The following DOCK2 variants were observed in gnomAD, a reference collection of about 807,000 sequenced individuals.
The protein encoded by DOCK2 is dedicator of cytokinesis 2.
DOCK2 carries 87 observed loss-of-function variants against 248.9 expected under a neutral mutation model. That is an observed-to-expected ratio of 0.35 (90% CI 0.29 to 0.42). The LOEUF (loss-of-function observed/expected upper bound fraction) is 0.42. DOCK2 is among the 10% of genes least tolerant of loss of function. DOCK2 has a pLI of 1.00. For missense variants in DOCK2, 1,747 were observed against 2,300.2 expected (o/e 0.76, Z 4.92); for synonymous variants, 805 against 821.6 (o/e 0.98, Z 0.35).
chr5:169,854,970 A>G (rs1261654535), intron 27 of DOCK2, among the ~76,000 whole-genome samples: 2 of 152,326 alleles, frequency 1.3e-5, no homozygotes, highest in South Asian at 2.1e-4. Context: ...AAAGTTATAG[A>G]GAGGAGGTGA....
intron 27 of DOCK2, among the ~76,000 whole-genome samples, chr5:169,893,477 C>CT (rs1773413988): frequency 3.4e-5 from 3 of 87,476 alleles, no homozygotes; most frequent in African/African-American, 1.7e-4. Context: ...CATTTTCTTA[C>CT]CCTTTTTTTT....
chr5:169,719,108 A>G (rs1005871903), intron 22 of DOCK2, among the ~76,000 whole-genome samples: 1 of 152,196 alleles, frequency 6.6e-6, no homozygotes. Flanking sequence ...TCTATATCCA[A>G]TGTTAGAGGG....
chr5:169,830,451 AG>A (rs1391035168), intron 26 of DOCK2, among the ~76,000 whole-genome samples: 1 of 152,250 alleles, frequency 6.6e-6, no homozygotes, highest in Non-Finnish European at 1.5e-5. Context: ...GCACATAGTA[AG>A]AATTCAACAA....
chr5:170,021,881 A>G (rs925021942), intron 33 of DOCK2, among the ~76,000 whole-genome samples: 1 of 152,080 alleles, frequency 6.6e-6, no homozygotes, highest in Non-Finnish European at 1.5e-5. Context: ...CCAGAACGAG[A>G]GTGAACCCCA....
intron 17 of DOCK2, 103 bp downstream of exon 17, chr5:169,712,326 C>A: frequency 1.0e-6 from 1 of 996,548 alleles, no homozygotes; most frequent in Non-Finnish European, 1.5e-6. Context: ...CAGAATCACA[C>A]ACACCAGAGT....
At chr5:169,877,688 T>C (rs1772409073) in intron 27 of DOCK2, among the ~76,000 whole-genome samples, 1 of 152,152 alleles carries the variant, frequency 6.6e-6, no homozygotes, top group Non-Finnish European at 1.5e-5. Flanking sequence ...GATATAGATA[T>C]CAGATAAAAG....
chr5:170,072,204 C>T (rs561738434), intron 46 of DOCK2, among the ~76,000 whole-genome samples: 4 of 152,248 alleles, frequency 2.6e-5, no homozygotes, highest in Admixed American at 2.0e-4. Context: ...TACTGCCAAT[C>T]TTCTATCACC....
intron 9 of DOCK2, among the ~76,000 whole-genome samples, chr5:169,694,868 A>G (rs1760522608): frequency 6.6e-6 from 1 of 151,978 alleles, no homozygotes; most frequent in Non-Finnish European, 1.5e-5. Flanking sequence ...CCAGCTACTC[A>G]AGAGGCTGAG....
chr5:169,699,699 C>G (rs529460523), intron 12 of DOCK2, among the ~76,000 whole-genome samples: 1 of 152,176 alleles, frequency 6.6e-6, no homozygotes, highest in African/African-American at 2.4e-5. Context: ...TCCGGTGTTC[C>G]GGGGGCACTT....
At chr5:169,657,522 G>T (rs1758190628) in intron 2 of DOCK2, among the ~76,000 whole-genome samples, 1 of 152,164 alleles carries the variant, frequency 6.6e-6, no homozygotes. Context: ...GGGTCCAAAT[G>T]AATCGATTTA....
intron 27 of DOCK2, among the ~76,000 whole-genome samples, chr5:169,873,396 A>C (rs1772110207): frequency 6.6e-6 from 1 of 152,212 alleles, no homozygotes; most frequent in African/African-American, 2.4e-5. Context: ...GAGATGCTCG[A>C]GGGCATTGCT....
chr5:169,832,672 T>G (rs1000486546), intron 26 of DOCK2, among the ~76,000 whole-genome samples: 4 of 152,220 alleles, frequency 2.6e-5, no homozygotes, highest in African/African-American at 9.6e-5. Context: ...GTGACTGTAC[T>G]GTAGATGATA....
intron 26 of DOCK2, among the ~76,000 whole-genome samples, chr5:169,808,433 AG>A (rs201084275): frequency 0.036 from 5,545 of 151,940 alleles, 182 homozygotes; most frequent in African/African-American, 0.084. Context: ...GGTAGGACTC[AG>A]GGGGAGATGT....
chr5:169,775,366 A>G (rs1765327033), intron 25 of DOCK2, among the ~76,000 whole-genome samples: 1 of 152,328 alleles, frequency 6.6e-6, no homozygotes, highest in African/African-American at 2.4e-5. Context: ...GGTAAACAGG[A>G]CAGCAGTGAG....
At chr5:170,045,572 T>C (rs972375546) in intron 38 of DOCK2, among the ~76,000 whole-genome samples, 13 of 152,092 alleles carry the variant, frequency 8.5e-5, no homozygotes, top group Non-Finnish European at 1.9e-4. Context: ...TCAGAGCACG[T>C]AAATAAAGGG....
At chr5:169,860,431 C>T (rs908094186) in intron 27 of DOCK2, among the ~76,000 whole-genome samples, 1 of 152,120 alleles carries the variant, frequency 6.6e-6, no homozygotes, top group Non-Finnish European at 1.5e-5. Flanking sequence ...GGCTGTCACT[C>T]AGTTCATTGT....
chr5:169,722,863 C>T lies in DOCK2; in HGVS notation c.2267+4072C>T, dbSNP rs188586979. ...CTCATACTATCCTAAACATTTCTTA[C>T]AGTTTATTTCTCTGGAGGCAGGGAT... is the stretch of plus-strand genomic sequence containing the variant. On this transcript the variant is annotated intron_variant, in intron 22 of 51. Coordinates refer to ENST00000520908, the MANE Select transcript of DOCK2 (RefSeq NM_004946.3). 1.7e-3 allele frequency among the ~76,000 whole-genome samples: 264 copies of T among 152,254 alleles called. 3 individuals carry two copies. The highest frequency in any genetic ancestry group is 1.4e-3 in the Non-Finnish European group (97 of 68,012).
chr5:169,829,036 C>G lies in DOCK2; in HGVS notation c.2704-11721C>G, dbSNP rs1021227591. Reference sequence around the variant, plus strand: ...GATTATAGTCCAGAATTTTAATGCTCTCATTCAGGGCTGATGATGATGCAG... The same window carrying G: ...GATTATAGTCCAGAATTTTAATGCTGTCATTCAGGGCTGATGATGATGCAG... On this transcript the variant is annotated intron_variant, in intron 26 of 51. Coordinates refer to ENST00000520908, the MANE Select transcript of DOCK2 (RefSeq NM_004946.3). Among the ~76,000 whole-genome samples the G allele has an allele frequency of 2.6e-5, 4 of 152,182 alleles. No homozygotes were observed. The East Asian group carries it at 7.7e-4, about 29-fold the overall frequency.
In DOCK2 at chr5:170,027,935, C is replaced by G. The variant is rs1270029570; in HGVS notation, c.3454C>G (p.Leu1152Val). The G allele has an allele frequency of 5.0e-6, 8 of 1,612,996 alleles. No homozygotes were observed. The highest frequency in any genetic ancestry group is 6.8e-6 in the Non-Finnish European group (8 of 1,179,400). Residue 1152 changes from leucine (L) to valine (V), a missense_variant, in exon 34 of 52, where the codon CTC becomes GTC. By Grantham distance (32) the Leu-to-Val change is conservative. Coordinates refer to ENST00000520908, the MANE Select transcript of DOCK2 (RefSeq NM_004946.3). ...GGRGDEQYMQ[L>V]LESILMECAA... is the part of the protein sequence containing the mutation. Reference sequence around the variant, plus strand: ...CCGAGGCGACGAGCAGTACATGCAGCTCCTGGAGTCAATGTAAGTTCAGTG... The same window carrying G: ...CCGAGGCGACGAGCAGTACATGCAGGTCCTGGAGTCAATGTAAGTTCAGTG...
Sources: gnomAD v4.1 joint callset for allele counts (sites outside exome capture counted in the v4.1 genomes callset) on GRCh38, gnomAD v4.1.1 for gene constraint, MANE v1.5 for transcripts, NCBI Gene and HGNC (gene_info 2026-07-23, HGNC 2026-07-21) for gene names.